Variants in MBD5 observed in about 807,000 individuals in gnomAD.
MBD5 encodes methyl-CpG-binding domain protein 5.
In MBD5, 13 loss-of-function variants were observed where a neutral mutation model predicts 117.3. The ratio of observed to expected loss-of-function variants is 0.11; its 90% CI spans 0.07 to 0.18. MBD5 has a LOEUF of 0.18. Ranked by LOEUF, MBD5 falls within the 10% of genes least tolerant of loss-of-function variation. MBD5 has a pLI of 1.00. For missense variants in MBD5, 1,879 were observed against 2,093.8 expected (o/e 0.90, Z 2.00); for synonymous variants, 727 against 766.4 (o/e 0.95, Z 0.85).
chr2:148,350,640 C>G (rs1373236589), intron 4 of MBD5, among the ~76,000 whole-genome samples: 5 of 151,942 alleles, frequency 3.3e-5, no homozygotes, highest in African/African-American at 1.2e-4. Flanking sequence ...AGAGTAAAAT[C>G]AGGCTACAAA....
At chr2:148,065,705 A>T (rs1695169997) in intron 1 of MBD5, among the ~76,000 whole-genome samples, 1 of 152,236 alleles carries the variant, frequency 6.6e-6, no homozygotes, top group African/African-American at 2.4e-5. Flanking sequence ...GGGAATAGGA[A>T]CATCACAAAA....
chr2:148,380,627 T>C (rs960817535), intron 4 of MBD5, among the ~76,000 whole-genome samples: 1 of 152,120 alleles, frequency 6.6e-6, no homozygotes, highest in Non-Finnish European at 1.5e-5. Flanking sequence ...AGAGTAGTGG[T>C]TCTCCCAGCA....
intron 3 of MBD5, among the ~76,000 whole-genome samples, chr2:148,301,590 A>G (rs1438600021): frequency 6.6e-6 from 1 of 152,056 alleles, no homozygotes; most frequent in African/African-American, 2.4e-5. Flanking sequence ...GCACGGTTTG[A>G]CCTTTGACTT....
rs879943522 is a variant in MBD5 at position 148,513,096 on chromosome 2, A to AT, written c.*162dup. ...GTGCTAAAAGAAACAGTGATACAAA[A>AT]TTTTTTTGATCAGGAAGGATAATGA... On this transcript the variant is annotated 3_prime_UTR_variant, in exon 14 of 14. Transcript: ENST00000642680. 215 of 755,226 alleles carry AT rather than the reference A, an allele frequency of 2.8e-4. No homozygotes were observed. Among genetic ancestry groups the AT allele is most frequent in the Non-Finnish European group, 4.3e-4 (195 of 456,816 alleles). The allele number at this position is 755,226 out of a possible 1,614,324, so 46.8% of individuals were successfully genotyped here.
chr2:148,228,634 AG>A (rs1357084035), intron 2 of MBD5, among the ~76,000 whole-genome samples: 1 of 152,248 alleles, frequency 6.6e-6, no homozygotes, highest in Non-Finnish European at 1.5e-5. Flanking sequence ...AAAATGAGTT[AG>A]GGAGGATTCC....
In MBD5 at chr2:148,149,626, G is replaced by C. The variant is rs921268657; in HGVS notation, c.-924-29074G>C. Among the ~76,000 whole-genome samples, 575 of 151,832 alleles carry C rather than the reference G, an allele frequency of 3.8e-3. 1 individual carries two copies. Among genetic ancestry groups the C allele is most frequent in the Non-Finnish European group, 7.4e-3 (499 of 67,752 alleles). On this transcript the variant is annotated intron_variant, in intron 1 of 13. Transcript: ENST00000642680. ...GTTGTTTCCTGACTTTTTAATGATC[G>C]CCATTCTAACTGGTGTGAGATGGTA... is the stretch of plus-strand genomic sequence containing the variant.
intron 3 of MBD5, among the ~76,000 whole-genome samples, chr2:148,240,747 T>G (rs562457323): frequency 1.3e-5 from 2 of 152,284 alleles, no homozygotes; most frequent in African/African-American, 4.8e-5. Flanking sequence ...AAATTTCTGT[T>G]TCTTCAGGTT....
At chr2:148,210,966 A>G (rs1699409038) in intron 2 of MBD5, among the ~76,000 whole-genome samples, 4 of 152,150 alleles carry the variant, frequency 2.6e-5, no homozygotes, top group South Asian at 2.1e-4. Flanking sequence ...GACTTTCCCA[A>G]TCTGCTGAAG....
At chr2:148,035,096 A>C (rs12992412) in intron 1 of MBD5, among the ~76,000 whole-genome samples, 9 of 151,844 alleles carry the variant, frequency 5.9e-5, no homozygotes, top group Non-Finnish European at 7.4e-5. Flanking sequence ...TGTTGTGGAC[A>C]TTCACTAAAT....
chr2:148,400,763 CT>C (rs1574384071), intron 4 of MBD5, among the ~76,000 whole-genome samples: 1 of 152,122 alleles, frequency 6.6e-6, no homozygotes, highest in Non-Finnish European at 1.5e-5. Context: ...AGCCAAATGT[CT>C]TTTTTATGTC....
chr2:148,114,771 C>G (rs1696589281), intron 1 of MBD5, among the ~76,000 whole-genome samples: 2 of 151,954 alleles, frequency 1.3e-5, no homozygotes, highest in Non-Finnish European at 2.9e-5. Context: ...GGATATTTTA[C>G]CAATATATAA....
Position 148,470,364 on chromosome 2 carries a change from A to G in MBD5, c.2421A>G (p.Leu807=), listed in dbSNP as rs1279343855. Residue 807 remains leucine (L), a synonymous_variant, in exon 8 of 14, where the codon TTA becomes TTG. Transcript: ENST00000642680. ...CGGGCATGGCTTTAGGAAATTCCTT[A>G]CATCCCAATCCACCTCAGTCAAGAA... ...SQSGMALGNS[L]HPNPPQSRIS... 6.2e-7 allele frequency: 1 copy of G among 1,613,760 alleles called. No individual in the cohort carries two copies. Among genetic ancestry groups the G allele is most frequent in the Non-Finnish European group, 8.5e-7 (1 of 1,179,872 alleles).
At chr2:148,473,576 C>G (rs968498588) in intron 8 of MBD5, among the ~76,000 whole-genome samples, 14 of 152,098 alleles carry the variant, frequency 9.2e-5, no homozygotes, top group Admixed American at 8.5e-4. Context: ...ATAACTTTCT[C>G]TGAAAAATGC....
intron 1 of MBD5, among the ~76,000 whole-genome samples, chr2:148,046,426 G>A (rs1020394711): frequency 5.3e-5 from 8 of 152,160 alleles, no homozygotes; most frequent in Non-Finnish European, 1.2e-4. Context: ...GTGGTTAGCA[G>A]TATAAGTCCC....
intron 1 of MBD5, among the ~76,000 whole-genome samples, chr2:148,117,916 T>G (rs1198104043): frequency 6.6e-6 from 1 of 152,188 alleles, no homozygotes; most frequent in Non-Finnish European, 1.5e-5. Context: ...AAATGTATGC[T>G]TATAGTATCA....
At chr2:148,282,747 A>G (rs972558251) in intron 3 of MBD5, among the ~76,000 whole-genome samples, 5 of 151,730 alleles carry the variant, frequency 3.3e-5, no homozygotes, top group Non-Finnish European at 7.4e-5. Context: ...TATATGATAT[A>G]TTAATTTGTA....
At chr2:148,336,491 A>G (rs1412148552) in intron 3 of MBD5, among the ~76,000 whole-genome samples, 1 of 152,052 alleles carries the variant, frequency 6.6e-6, no homozygotes, top group Admixed American at 6.6e-5. Flanking sequence ...GGCTCAAACC[A>G]TCCTTCCATG....
intron 5 of MBD5, chr2:148,460,163 A>G (rs960083780): frequency 5.3e-5 from 8 of 152,210 alleles, no homozygotes; most frequent in Non-Finnish European, 1.2e-4. Context: ...GCATAGAACA[A>G]AAGACTCTAA....
intron 3 of MBD5, among the ~76,000 whole-genome samples, chr2:148,276,960 T>A (rs2106365334): frequency 6.6e-6 from 1 of 152,248 alleles, no homozygotes; most frequent in South Asian, 2.1e-4. Flanking sequence ...GAAGAGAAAG[T>A]TTGTATTTTC....
Sources: gnomAD v4.1 joint callset for allele counts (sites outside exome capture counted in the v4.1 genomes callset) on GRCh38, gnomAD v4.1.1 for gene constraint, MANE v1.5 for transcripts, NCBI Gene and HGNC (gene_info 2026-07-23, HGNC 2026-07-21) for gene names.